The following PDZRN3 variants were observed in gnomAD, a reference collection of about 807,000 sequenced individuals.
PDZRN3 encodes the protein PDZ domain containing ring finger 3, also known as E3 ubiquitin-protein ligase PDZRN3.
A neutral mutation model predicts 85.7 loss-of-function variants in PDZRN3; 38 were observed. The ratio of observed to expected loss-of-function variants is 0.44; its 90% CI spans 0.34 to 0.58. The LOEUF is 0.58. Among genes scored for constraint, PDZRN3 ranks in the 20% least tolerant of loss-of-function variants. The pLI, the probability that PDZRN3 is intolerant of heterozygous loss-of-function variation, is 0.01. For missense variants in PDZRN3, 1,629 were observed against 1,506.4 expected, an observed-to-expected ratio of 1.08 and a Z score of -1.35; for synonymous variants, 759 against 638.0, an observed-to-expected ratio of 1.19 and a Z score of -2.86.
At position 73,458,995 on chromosome 3, in the gene PDZRN3, CA is replaced by C. The variant is rs35284667; in HGVS notation, c.919-54601del. Among the ~76,000 whole-genome samples, 486 of 124,080 alleles carry C rather than the reference CA, an allele frequency of 3.9e-3. 8 individuals carry two copies. Among genetic ancestry groups the C allele is most frequent in the African/African-American group, 0.011 (340 of 30,776 alleles). The allele number at this position is 124,080 out of a possible 152,430, so 81.4% of individuals were successfully genotyped here. Reference sequence around the variant, plus strand: ...CAACAGAGCAAAACTCCATCTCAAACAAAAAAAAAAAAAGAAAAAAAAGAAA... The same window carrying C: ...CAACAGAGCAAAACTCCATCTCAAACAAAAAAAAAAAAGAAAAAAAAGAAA... On this transcript the variant is annotated intron_variant, in intron 3 of 9. Coordinates refer to ENST00000263666, the MANE Select transcript of PDZRN3 (RefSeq NM_015009.3).
At chr3:73,394,716 G>T (rs1473439610) in intron 5 of PDZRN3, among the ~76,000 whole-genome samples, 1 of 152,174 alleles carries the variant, frequency 6.6e-6, no homozygotes, top group Non-Finnish European at 1.5e-5. Context: ...ACAAAAGCTA[G>T]AAAAGCTTCA....
At chr3:73,518,242 TAGCC>T (rs1442946228) in intron 3 of PDZRN3, among the ~76,000 whole-genome samples, 1 of 152,220 alleles carries the variant, frequency 6.6e-6, no homozygotes, top group African/African-American at 2.4e-5. Context: ...TAAGTGAAAT[TAGCC>T]AGTCATAAAA....
intron 3 of PDZRN3, among the ~76,000 whole-genome samples, chr3:73,537,569 T>C (rs2106771160): frequency 6.6e-6 from 1 of 152,212 alleles, no homozygotes; most frequent in African/African-American, 2.4e-5. Flanking sequence ...TTATGGACAG[T>C]ACTAGTTAAT....
At chr3:73,563,000 TATATA>T (rs1316054782) in intron 3 of PDZRN3, among the ~76,000 whole-genome samples, 5 of 34,962 alleles carry the variant, frequency 1.4e-4, no homozygotes, top group African/African-American at 6.0e-4. Flanking sequence ...TATATATATA[TATATA>T]TATATATATT....
intron 3 of PDZRN3, among the ~76,000 whole-genome samples, chr3:73,508,738 A>G (rs1004513961): frequency 6.6e-6 from 1 of 152,232 alleles, no homozygotes; most frequent in African/African-American, 2.4e-5. Context: ...GTAAACGTGG[A>G]GAACTTTCTG....
intron 3 of PDZRN3, among the ~76,000 whole-genome samples, chr3:73,518,748 T>A (rs1704298434): frequency 6.6e-6 from 1 of 152,114 alleles, no homozygotes; most frequent in Non-Finnish European, 1.5e-5. Context: ...CGTCTTCACA[T>A]GGTGGAAAGG....
At chr3:73,504,292 G>C (rs1308108402) in intron 3 of PDZRN3, among the ~76,000 whole-genome samples, 1 of 152,124 alleles carries the variant, frequency 6.6e-6, no homozygotes. Flanking sequence ...CATTAATTGA[G>C]GGACTGAAGA....
intron 3 of PDZRN3, among the ~76,000 whole-genome samples, chr3:73,572,600 C>T (rs1188540013): frequency 6.6e-6 from 1 of 152,148 alleles, no homozygotes. Flanking sequence ...ATAATTCAAC[C>T]ACAGTTGGTT....
At chr3:73,395,817 G>T (rs1166921798) in intron 5 of PDZRN3, among the ~76,000 whole-genome samples, 6 of 151,508 alleles carry the variant, frequency 4.0e-5, no homozygotes, top group Admixed American at 4.0e-4. Context: ...AATATTTCCT[G>T]GGTGCCTACT....
intron 1 of PDZRN3, among the ~76,000 whole-genome samples, chr3:73,619,336 G>T (rs193214749): frequency 1.3e-5 from 2 of 152,320 alleles, no homozygotes; most frequent in East Asian, 3.9e-4. Flanking sequence ...GGACAAGACA[G>T]ACTCTTCCAC....
intron 3 of PDZRN3, among the ~76,000 whole-genome samples, chr3:73,481,451 C>T (rs1335714074): frequency 1.3e-5 from 2 of 152,170 alleles, no homozygotes; most frequent in Admixed American, 6.5e-5. Context: ...CTGCCTCAGC[C>T]TCCCAAGTAG....
At chr3:73,513,001 A>G (rs999265474) in intron 3 of PDZRN3, among the ~76,000 whole-genome samples, 11 of 152,230 alleles carry the variant, frequency 7.2e-5, no homozygotes, top group Admixed American at 4.6e-4. Flanking sequence ...AATGATTTAC[A>G]CACACACACA....
chr3:73,387,362 A>G (rs943173200), intron 8 of PDZRN3, among the ~76,000 whole-genome samples: 5 of 152,142 alleles, frequency 3.3e-5, no homozygotes, highest in Non-Finnish European at 5.9e-5. Flanking sequence ...GAGTTATTAC[A>G]ACACAGAGGT....
intron 3 of PDZRN3, among the ~76,000 whole-genome samples, chr3:73,419,069 G>C (rs1702147808): frequency 6.6e-6 from 1 of 152,132 alleles, no homozygotes; most frequent in Non-Finnish European, 1.5e-5. Flanking sequence ...CTATGACGGA[G>C]AAAAACCTGC....
rs1703314704 is a variant in PDZRN3 at position 73,383,735 on chromosome 3, C to T, written c.2831G>A (p.Arg944Gln). Residue 944 changes from arginine (R) to glutamine (Q), a missense_variant, in exon 10 of 10, where the codon CGG becomes CAG. Arg to Gln is a conservative substitution (Grantham distance 43). Coordinates refer to ENST00000263666, the MANE Select transcript of PDZRN3 (RefSeq NM_015009.3). Reference sequence around the variant, plus strand: ...TTCCCGGATCTTCAGGGCGCGCTCCCGCAGCAGGCGGTCCCGCACGGGCCT... The same window carrying T: ...TTCCCGGATCTTCAGGGCGCGCTCCTGCAGCAGGCGGTCCCGCACGGGCCT... ...TKRPVRDRLL[R>Q]ERALKIREER... 7 of 1,612,046 alleles carry T rather than the reference C, an allele frequency of 4.3e-6. No homozygotes were observed. Among genetic ancestry groups the T allele is most frequent in the Non-Finnish European group, 5.9e-6 (7 of 1,179,958 alleles).
rs1307643483 is a variant in PDZRN3 at position 73,433,764 on chromosome 3, CTCCCT to C, written c.919-29374_919-29370del. The C allele has an allele frequency of 5.9e-6, 9 of 1,534,606 alleles. No individual in the cohort carries two copies. In the African/African-American group the frequency reaches 1.2e-4, roughly 21 times the overall value. ...TCTCGCCAGCACCCGGGAAAAGCAG[CTCCCT>C]TACAGTGCAGGCATTGAAGGTATCC... On this transcript the variant is annotated intron_variant, in intron 3 of 9. Coordinates refer to ENST00000263666, the MANE Select transcript of PDZRN3 (RefSeq NM_015009.3).
At chr3:73,605,183 G>T (rs1702578961) in intron 2 of PDZRN3, among the ~76,000 whole-genome samples, 1 of 150,682 alleles carries the variant, frequency 6.6e-6, no homozygotes, top group Non-Finnish European at 1.5e-5. Context: ...CTCCAACCTG[G>T]GTGACAGAGT....
chr3:73,466,940 TC>T (rs2106876721), intron 3 of PDZRN3, among the ~76,000 whole-genome samples: 1 of 152,296 alleles, frequency 6.6e-6, no homozygotes, highest in African/African-American at 2.4e-5. Flanking sequence ...ATTTCATTTT[TC>T]CTCTGTAGGA....
intron 3 of PDZRN3, among the ~76,000 whole-genome samples, chr3:73,409,376 A>G (rs1701919948): frequency 6.6e-6 from 1 of 152,222 alleles, no homozygotes; most frequent in Admixed American, 6.5e-5. Context: ...GGTCCTGAGA[A>G]CTAACACAAA....
Sources: gnomAD v4.1 joint callset for allele counts (sites outside exome capture counted in the v4.1 genomes callset) on GRCh38, gnomAD v4.1.1 for gene constraint, MANE v1.5 for transcripts, NCBI Gene and HGNC (gene_info 2026-07-23, HGNC 2026-07-21) for gene names.